RBMS2: variants seen among roughly 807,000 people sequenced by gnomAD.
RBMS2 encodes RNA-binding motif, single-stranded-interacting protein 2.
A neutral mutation model predicts 58.4 loss-of-function variants in RBMS2; 38 were observed. The observed-to-expected ratio is 0.65, with a 90% CI of 0.50 to 0.85. RBMS2 has a LOEUF of 0.85. Ranked by LOEUF, RBMS2 falls within the 40% of genes least tolerant of loss-of-function variation. RBMS2 has a pLI of 0.00. For synonymous variants in RBMS2, 151 were observed against 180.7 expected, an observed-to-expected ratio of 0.84 and a Z score of 1.32; for missense variants, 367 against 503.7, an observed-to-expected ratio of 0.73 and a Z score of 2.60.
intron 1 of RBMS2, among the ~76,000 whole-genome samples, chr12:56,554,294 T>G (rs1042065620): frequency 2.6e-5 from 4 of 152,118 alleles, no homozygotes; most frequent in African/African-American, 9.7e-5. Context: ...ATTTAAAGAT[T>G]TAGAGCTTTC....
At chr12:56,550,854 A>AT (rs1394952745) in intron 1 of RBMS2, among the ~76,000 whole-genome samples, 1 of 151,606 alleles carries the variant, frequency 6.6e-6, no homozygotes, top group East Asian at 1.9e-4. Context: ...AAAAATAAAT[A>AT]AATAAATAAA....
chr12:56,556,130 C>G (rs1476917991), intron 1 of RBMS2, among the ~76,000 whole-genome samples: 3 of 151,500 alleles, frequency 2.0e-5, no homozygotes, highest in Non-Finnish European at 4.4e-5. Flanking sequence ...TAATACTACA[C>G]AGTGGCTCAC....
At chr12:56,583,926 G>C (rs1884319621) in intron 9 of RBMS2, among the ~76,000 whole-genome samples, 1 of 151,998 alleles carries the variant, frequency 6.6e-6, no homozygotes, top group South Asian at 2.1e-4. Flanking sequence ...TTTGGCTGTT[G>C]AATTTGTGGT....
chr12:56,551,419 A>ATCT (rs1166545157), intron 1 of RBMS2, among the ~76,000 whole-genome samples: 1 of 152,222 alleles, frequency 6.6e-6, no homozygotes, highest in African/African-American at 2.4e-5. Context: ...TTGCTTTTAG[A>ATCT]AGTAAGGGAT....
intron 1 of RBMS2, among the ~76,000 whole-genome samples, chr12:56,524,176 G>T (rs1872236331): frequency 6.6e-6 from 1 of 152,150 alleles, no homozygotes. Flanking sequence ...ATGGTTGTGG[G>T]TTTGGGTTGA....
intron 2 of RBMS2, 86 bp from the exon 3 acceptor site, chr12:56,568,889 C>A: frequency 8.7e-7 from 1 of 1,145,140 alleles, no homozygotes; most frequent in Non-Finnish European, 1.3e-6. Context: ...ATGGAAAGGG[C>A]ATGGATTTGT....
chr12:56,529,856 G>A (rs1873378369), intron 1 of RBMS2, among the ~76,000 whole-genome samples: 1 of 152,164 alleles, frequency 6.6e-6, no homozygotes, highest in South Asian at 2.1e-4. Context: ...ATAATGAAAT[G>A]TTCTAAAATT....
At chr12:56,575,355 T>C (rs1882955328) in intron 5 of RBMS2, among the ~76,000 whole-genome samples, 1 of 152,028 alleles carries the variant, frequency 6.6e-6, no homozygotes, top group South Asian at 2.1e-4. Context: ...GAGGATCACC[T>C]GAGCCCAGGA....
intron 2 of RBMS2, among the ~76,000 whole-genome samples, chr12:56,564,034 G>T (rs1375455938): frequency 6.6e-6 from 1 of 151,754 alleles, no homozygotes; most frequent in Non-Finnish European, 1.5e-5. Flanking sequence ...ACAAGACAGA[G>T]AAGAATCTTT....
intron 10 of RBMS2, 110 bp downstream of exon 10, chr12:56,587,036 C>T: frequency 2.7e-6 from 3 of 1,107,928 alleles, no homozygotes; most frequent in Non-Finnish European, 4.1e-6. Flanking sequence ...GAGGCCAAGG[C>T]AGGCAAATCA....
intron 1 of RBMS2, among the ~76,000 whole-genome samples, chr12:56,543,805 T>A (rs1876608102): frequency 6.6e-6 from 1 of 151,622 alleles, no homozygotes; most frequent in Non-Finnish European, 1.5e-5. Context: ...ATAGCTGGGA[T>A]TACAGGCGTG....
At chr12:56,583,599 A>G (rs973721694) in intron 9 of RBMS2, among the ~76,000 whole-genome samples, 16 of 152,148 alleles carry the variant, frequency 1.1e-4, no homozygotes, top group African/African-American at 3.9e-4. Flanking sequence ...GGTTGTGGTG[A>G]GCCGAGATCG....
intron 1 of RBMS2, among the ~76,000 whole-genome samples, chr12:56,549,321 G>GT (rs1877817994): frequency 6.6e-6 from 1 of 151,914 alleles, no homozygotes; most frequent in Middle Eastern, 3.4e-3. Context: ...TAAAGACAAT[G>GT]TTTTACTTAT....
At chr12:56,556,132 G>A (rs898536801) in intron 1 of RBMS2, among the ~76,000 whole-genome samples, 1 of 151,740 alleles carries the variant, frequency 6.6e-6, no homozygotes, top group Non-Finnish European at 1.5e-5. Flanking sequence ...ATACTACACA[G>A]TGGCTCACTC....
At chr12:56,569,403 A>T (rs532880107) in intron 3 of RBMS2, among the ~76,000 whole-genome samples, 1 of 152,072 alleles carries the variant, frequency 6.6e-6, no homozygotes, top group South Asian at 2.1e-4. Flanking sequence ...TCTGAGGGTG[A>T]GTAGTTTTAT....
At chr12:56,526,446 G>T (rs1207191485) in intron 1 of RBMS2, among the ~76,000 whole-genome samples, 1 of 151,940 alleles carries the variant, frequency 6.6e-6, no homozygotes, top group East Asian at 1.9e-4. Context: ...ACTCTTTATT[G>T]GCTGGTGGTA....
At chr12:56,552,043 G>A (rs1878365957) in intron 1 of RBMS2, among the ~76,000 whole-genome samples, 1 of 152,350 alleles carries the variant, frequency 6.6e-6, no homozygotes, top group Middle Eastern at 3.4e-3. Flanking sequence ...AGCCGAGATC[G>A]TGCCACTGCA....
chr12:56,555,072 TA>T (rs11448072), intron 1 of RBMS2, among the ~76,000 whole-genome samples: 2 of 148,914 alleles, frequency 1.3e-5, no homozygotes, highest in African/African-American at 2.5e-5. Flanking sequence ...ATATACACTT[TA>T]AAAAAAAAAG....
chr12:56,558,590 C>CTT (rs10676323), intron 1 of RBMS2, among the ~76,000 whole-genome samples: 4,981 of 92,064 alleles, frequency 0.054, 451 homozygotes, highest in African/African-American at 0.17. Context: ...TTTCTTTTTC[C>CTT]TTTTTTTTTT....
Sources: gnomAD v4.1 joint callset for allele counts (sites outside exome capture counted in the v4.1 genomes callset) on GRCh38, gnomAD v4.1.1 for gene constraint, MANE v1.5 for transcripts, NCBI Gene and HGNC (gene_info 2026-07-23, HGNC 2026-07-21) for gene names.